The following RPS6KC1 variants were observed in gnomAD, a reference collection of about 807,000 sequenced individuals.
The protein encoded by RPS6KC1 is inactive ribosomal protein S6 kinase delta-1.
A neutral mutation model predicts 103.8 loss-of-function variants in RPS6KC1; 54 were observed. That is an observed-to-expected ratio of 0.52 (90% CI 0.42 to 0.65). The LOEUF (loss-of-function observed/expected upper bound fraction) is 0.65, where lower values mean the gene tolerates loss of function less well. RPS6KC1 is among the 30% of genes least tolerant of loss of function. The pLI, the probability that RPS6KC1 is intolerant of heterozygous loss-of-function variation, is 0.00. For synonymous variants in RPS6KC1, 439 were observed against 438.7 expected, an observed-to-expected ratio of 1.00 and a Z score of -0.01; for missense variants, 1,151 against 1,253.8, an observed-to-expected ratio of 0.92 and a Z score of 1.24.
intron 5 of RPS6KC1, among the ~76,000 whole-genome samples, chr1:213,123,073 C>T (rs1290713345): frequency 6.6e-6 from 1 of 152,106 alleles, no homozygotes; most frequent in Non-Finnish European, 1.5e-5. Context: ...TCTTATTTCA[C>T]AATTACAGAG....
chr1:213,310,037 C>T, the RPS6KC1 span, among the ~76,000 whole-genome samples: 1 of 152,100 alleles, frequency 6.6e-6, no homozygotes, highest in Non-Finnish European at 1.5e-5. Flanking sequence ...TCCTGGTGGC[C>T]CCTCTTTCAA....
chr1:213,475,841 C>T, the RPS6KC1 span, among the ~76,000 whole-genome samples: 1 of 152,150 alleles, frequency 6.6e-6, no homozygotes, highest in African/African-American at 2.4e-5. Flanking sequence ...TTGCTTTTAC[C>T]CTTTTGCTAG....
At chr1:213,450,071 C>T in the RPS6KC1 span, among the ~76,000 whole-genome samples, 1 of 152,172 alleles carries the variant, frequency 6.6e-6, no homozygotes, top group African/African-American at 2.4e-5. Flanking sequence ...ACTCGGCTTC[C>T]ACTTTGCAAA....
chr1:213,408,991 C>T, the RPS6KC1 span, among the ~76,000 whole-genome samples: 1 of 152,100 alleles, frequency 6.6e-6, no homozygotes, highest in Non-Finnish European at 1.5e-5. Flanking sequence ...GAAGGTCTTC[C>T]TCTGCTCAAG....
chr1:213,256,780 T>C (rs1182521702), intron 12 of RPS6KC1, among the ~76,000 whole-genome samples: 2 of 152,152 alleles, frequency 1.3e-5, no homozygotes, highest in Non-Finnish European at 2.9e-5. Context: ...AGAAGATTAC[T>C]TAGGGATTTC....
chr1:213,558,497 A>G, the RPS6KC1 span, among the ~76,000 whole-genome samples: 1 of 152,192 alleles, frequency 6.6e-6, no homozygotes, highest in Non-Finnish European at 1.5e-5. Flanking sequence ...ACAAAGCAAC[A>G]CTGTAGCCAA....
the RPS6KC1 span, among the ~76,000 whole-genome samples, chr1:213,749,477 C>G: frequency 6.6e-6 from 1 of 152,138 alleles, no homozygotes; most frequent in Non-Finnish European, 1.5e-5. Context: ...CATACAACTG[C>G]CAAGCACATG....
the RPS6KC1 span, among the ~76,000 whole-genome samples, chr1:213,609,871 A>G: frequency 6.6e-6 from 1 of 151,666 alleles, no homozygotes; most frequent in African/African-American, 2.4e-5. Context: ...ATAAAACCCA[A>G]AATAAAATTT....
the RPS6KC1 span, among the ~76,000 whole-genome samples, chr1:213,622,805 G>C: frequency 1.1e-4 from 16 of 151,968 alleles, no homozygotes; most frequent in Non-Finnish European, 2.1e-4. Context: ...GTCCTTTCCC[G>C]GGCTTAATGT....
the RPS6KC1 span, among the ~76,000 whole-genome samples, chr1:213,387,387 A>G: frequency 6.6e-6 from 1 of 152,212 alleles, no homozygotes; most frequent in Non-Finnish European, 1.5e-5. Context: ...TTAGTCCCAG[A>G]TTGACCTATC....
At chr1:213,684,618 C>T in the RPS6KC1 span, among the ~76,000 whole-genome samples, 1 of 152,198 alleles carries the variant, frequency 6.6e-6, no homozygotes. Context: ...CTGACCTCAT[C>T]GCTTGGCTTT....
At chr1:213,820,705 G>A in the RPS6KC1 span, 1 of 152,188 alleles carries the variant, frequency 6.6e-6, no homozygotes, top group South Asian at 2.1e-4. Flanking sequence ...TTCTGAGAGA[G>A]GAACCCCAGC....
chr1:213,559,301 A>G, the RPS6KC1 span, among the ~76,000 whole-genome samples: 1 of 152,170 alleles, frequency 6.6e-6, no homozygotes, highest in Non-Finnish European at 1.5e-5. Flanking sequence ...TTTGTTCTGA[A>G]GCTTATAGAG....
At chr1:213,685,755 G>A in the RPS6KC1 span, among the ~76,000 whole-genome samples, 59,517 of 152,006 alleles carry the variant, frequency 0.39, 14,094 homozygotes, top group South Asian at 0.72. Context: ...TTATTCCAAT[G>A]TAAGGGATTA....
At chr1:213,230,382 A>G (rs1219012113) in intron 8 of RPS6KC1, 115 bp from the exon 9 acceptor site, 10 of 637,312 alleles carry the variant, frequency 1.6e-5, no homozygotes, top group East Asian at 9.9e-5. Flanking sequence ...GAAATGAACA[A>G]TTTTGGGGAG....
chr1:213,797,732 G>C, the RPS6KC1 span, among the ~76,000 whole-genome samples: 1 of 152,200 alleles, frequency 6.6e-6, no homozygotes, highest in Non-Finnish European at 1.5e-5. Context: ...TTAAGGCTGT[G>C]CCTAGACTCA....
At chr1:213,258,012 C>T (rs550118545) in intron 12 of RPS6KC1, among the ~76,000 whole-genome samples, 6 of 151,702 alleles carry the variant, frequency 4.0e-5, no homozygotes, top group Admixed American at 1.3e-4. Context: ...GATGGAGTCT[C>T]GCTCTGTTGC....
At chr1:213,706,428 C>T in the RPS6KC1 span, among the ~76,000 whole-genome samples, 4 of 152,152 alleles carry the variant, frequency 2.6e-5, no homozygotes, top group Non-Finnish European at 4.4e-5. Flanking sequence ...CAACATGCCA[C>T]CTCTGCTGGG....
chr1:213,347,730 G>A, the RPS6KC1 span, among the ~76,000 whole-genome samples: 1 of 151,998 alleles, frequency 6.6e-6, no homozygotes, highest in East Asian at 1.9e-4. Context: ...AAAATGTATG[G>A]GTAATTAGAG....
Sources: allele counts gnomAD v4.1 joint callset (sites outside exome capture counted in the v4.1 genomes callset), GRCh38; gene constraint gnomAD v4.1.1; transcripts MANE v1.5; gene names NCBI Gene and HGNC (gene_info 2026-07-23, HGNC 2026-07-21).